KANK1: variants seen among roughly 807,000 people sequenced by gnomAD.
The protein encoded by KANK1 is KN motif and ankyrin repeat domains 1, also known as KN motif and ankyrin repeat domain-containing protein 1.
Under a neutral mutation model 106.2 loss-of-function variants are expected in KANK1, and 109 were observed. The ratio of observed to expected loss-of-function variants is 1.03; its 90% confidence interval spans 0.88 to 1.20. KANK1 has a LOEUF of 1.20. Ranked by LOEUF, KANK1 falls within the 50% of genes most tolerant of loss-of-function variation. The pLI, the probability that KANK1 is intolerant of heterozygous loss-of-function variation, is 0.00. For missense variants in KANK1, 2,399 were observed against 1,710.7 expected (o/e 1.40, Z -7.10); for synonymous variants, 873 against 652.2 (o/e 1.34, Z -5.16).
At position 713,196 on chromosome 9, in the gene KANK1, C is replaced by A; in HGVS notation, c.2430C>A (p.Asn810Lys). ...ACCCTGTAGGGGAATCTCTGGAGAA[C>A]CCCCAGCCTCAAGCTCCACTTGGAA... ...GDDPVGESLE[N>K]PQPQAPLGMM... The change falls in exon 3 of 12, where the codon AAC becomes AAA. Residue 810 changes from asparagine to lysine, a missense_variant. Transcript: ENST00000382297. 1.9e-6 allele frequency: 3 copies of A among 1,585,738 alleles called. No individual in the cohort carries two copies. The highest frequency in any genetic ancestry group is 1.7e-6 in the Non-Finnish European group (2 of 1,166,092).
At chr9:590,997 G>C (rs1400578561) in intron 1 of KANK1, among the ~76,000 whole-genome samples, 5 of 151,644 alleles carry the variant, frequency 3.3e-5, no homozygotes, top group Non-Finnish European at 5.9e-5. Context: ...TTGGATAGTG[G>C]AGTTTAAAAC....
chr9:554,191 C>T (rs1468693645), intron 1 of KANK1, among the ~76,000 whole-genome samples: 1 of 152,192 alleles, frequency 6.6e-6, no homozygotes, highest in Admixed American at 6.5e-5. Context: ...AACTAGAGAA[C>T]AAGAAGGCCA....
intron 8 of KANK1, among the ~76,000 whole-genome samples, chr9:739,050 C>T (rs1217817643): frequency 6.6e-6 from 1 of 152,146 alleles, no homozygotes; most frequent in East Asian, 1.9e-4. Context: ...CAGCATAGAG[C>T]AAAGGGCATG....
intron 1 of KANK1, among the ~76,000 whole-genome samples, chr9:564,418 C>G (rs1454498360): frequency 6.6e-6 from 1 of 152,124 alleles, no homozygotes; most frequent in African/African-American, 2.4e-5. Flanking sequence ...ACCAGACACC[C>G]TTATACATAC....
At chr9:561,772 T>G (rs1279276507) in intron 1 of KANK1, among the ~76,000 whole-genome samples, 1 of 152,238 alleles carries the variant, frequency 6.6e-6, no homozygotes, top group Admixed American at 6.5e-5. Context: ...GATGACTGTT[T>G]CATCTAGAAC....
rs141373242 is a variant in KANK1 at position 739,856 on chromosome 9, C to T, written c.3554-936C>T. 4.1e-3 allele frequency among the ~76,000 whole-genome samples: 623 copies of T among 150,454 alleles called. 4 individuals are homozygous for T. The highest frequency in any genetic ancestry group is 0.015 in the African/African-American group (583 of 40,180). ...TTCAGCATCTATGCAGAGCAGAGTC[C>T]GCAAAGTCCGAGGTGCTAAGGAGCC... On this transcript the variant is annotated intron_variant, in intron 8 of 11. Coordinates refer to ENST00000382297, the MANE Select transcript of KANK1 (RefSeq NM_015158.5).
At chr9:529,573 C>G (rs1049226096) in intron 1 of KANK1, among the ~76,000 whole-genome samples, 1 of 152,124 alleles carries the variant, frequency 6.6e-6, no homozygotes, top group South Asian at 2.1e-4. Flanking sequence ...TAATAGACTT[C>G]ATATATTGTT....
rs757723877 is a variant in KANK1, at chr9:712,508, G to A, written c.1742G>A (p.Cys581Tyr). ...GAGAGGGTGGAAATGCATGACCGATGTGCTGGGAGGTCTGTGGAAATGTGT... is the reference window on the plus strand; with the variant it reads ...GAGAGGGTGGAAATGCATGACCGATATGCTGGGAGGTCTGTGGAAATGTGT... ...VKERVEMHDR[C>Y]AGRSVEMCDK... Residue 581 changes from cysteine to tyrosine, a missense_variant, in exon 3 of 12, where the codon TGT (cysteine) becomes TAT (tyrosine). Coordinates refer to ENST00000382297, the MANE Select transcript of KANK1 (RefSeq NM_015158.5). The A allele has an allele frequency of 2.5e-6, 4 of 1,614,100 alleles. No individual in the cohort carries two copies. Among genetic ancestry groups the A allele is most frequent in the African/African-American group, 1.3e-5 (1 of 74,920 alleles).
At chr9:573,321 G>A (rs1587931041) in intron 1 of KANK1, among the ~76,000 whole-genome samples, 2 of 152,116 alleles carry the variant, frequency 1.3e-5, no homozygotes, top group Non-Finnish European at 2.9e-5. Flanking sequence ...CCAGGCTGGA[G>A]TGCAGTGGCG....
intron 1 of KANK1, among the ~76,000 whole-genome samples, chr9:576,130 T>C (rs73639373): frequency 0.067 from 10,247 of 152,294 alleles, 905 homozygotes; most frequent in East Asian, 0.22. Flanking sequence ...TTTTAGGCCC[T>C]ATCAGACCTA....
rs146735290 is a variant in KANK1, at chr9:666,392, C to T, written c.-83-10498C>T. Among the ~76,000 whole-genome samples the T allele has an allele frequency of 1.2e-3, 190 of 152,046 alleles. 2 individuals carry two copies. The highest frequency in any genetic ancestry group is 4.3e-3 in the African/African-American group (177 of 41,492). On this transcript the variant is annotated intron_variant, in intron 1 of 11. Transcript: ENST00000382297. ...TAAAAATAGAAGATCCTGTCGTTTA[C>T]ATTCAAAGCGAATTTGACTTCTTTC... is the stretch of plus-strand genomic sequence containing the variant.
chr9:638,461 A>G (rs1437509669), intron 1 of KANK1, among the ~76,000 whole-genome samples: 2 of 152,134 alleles, frequency 1.3e-5, no homozygotes, highest in Non-Finnish European at 2.9e-5. Context: ...TATGTCAGAG[A>G]GATTGTTTGT....
At chr9:714,526 C>A (rs1827156811) in intron 3 of KANK1, among the ~76,000 whole-genome samples, 1 of 151,846 alleles carries the variant, frequency 6.6e-6, no homozygotes, top group African/African-American at 2.4e-5. Context: ...TGCCCAGCCA[C>A]TTTTGTATTT....
At chr9:702,033 G>C (rs1314141994) in intron 2 of KANK1, among the ~76,000 whole-genome samples, 1 of 152,170 alleles carries the variant, frequency 6.6e-6, no homozygotes, top group Non-Finnish European at 1.5e-5. Flanking sequence ...TAAATAAGGA[G>C]CAGACTTGCC....
At position 706,972 on chromosome 9, in the gene KANK1, CA is replaced by C. The variant is rs1564023542; in HGVS notation, c.38-3831del. On this transcript the variant is annotated intron_variant, in intron 2 of 11. Transcript: ENST00000382297. Reference sequence around the variant, plus strand: ...TGGCAAAGCGGGAGTGAAGAACACACATTTTCAGAAGATACCGGTTTCCTGT... The same window carrying C: ...TGGCAAAGCGGGAGTGAAGAACACACTTTTCAGAAGATACCGGTTTCCTGT... 9 of 985,510 alleles carry C rather than the reference CA, an allele frequency of 9.1e-6. No individual in the cohort carries two copies. In the South Asian group the frequency reaches 3.8e-4, roughly 41 times the overall value. The allele number at this position is 985,510 out of a possible 1,614,324, so 61.0% of individuals were successfully genotyped here.
Position 742,307 on chromosome 9 carries a change from G to C in KANK1, c.3799G>C (p.Gly1267Arg). 6.2e-7 allele frequency: 1 copy of C among 1,614,168 alleles called. No individual in the cohort carries two copies. Among genetic ancestry groups the C allele is most frequent in the Non-Finnish European group, 8.5e-7 (1 of 1,180,002 alleles). ...TGATGTCAACATCCAGGATGACGAG[G>C]GCTCCACGGCCCTCATGTGTGCCAG... ...GADVNIQDDEGSTALMCASEH... is the reference protein window; with the variant it reads ...GADVNIQDDERSTALMCASEH... The change falls in exon 10 of 12, where the codon GGC becomes CGC. Residue 1267 changes from glycine (G) to arginine (R), a missense_variant. Transcript: ENST00000382297.
At chr9:541,478 T>C (rs558383441) in intron 1 of KANK1, among the ~76,000 whole-genome samples, 175 of 152,170 alleles carry the variant, frequency 1.2e-3, no homozygotes, top group African/African-American at 3.9e-3. Context: ...GACTGCAAAA[T>C]GGACTAAAGA....
chr9:542,613 G>C (rs143415943), intron 1 of KANK1, among the ~76,000 whole-genome samples: 2 of 152,088 alleles, frequency 1.3e-5, no homozygotes, highest in Admixed American at 6.5e-5. Flanking sequence ...TGTGTCCCTC[G>C]CAGCATGATT....
intron 3 of KANK1, chr9:487,951 C>G (rs1396834220): frequency 6.6e-6 from 1 of 152,020 alleles, no homozygotes; most frequent in Non-Finnish European, 1.5e-5. Flanking sequence ...GCTTCACTCC[C>G]TAGGAAAGCC....
Sources: gnomAD v4.1 joint callset for allele counts (sites outside exome capture counted in the v4.1 genomes callset) on GRCh38, gnomAD v4.1.1 for gene constraint, MANE v1.5 for transcripts, NCBI Gene and HGNC (gene_info 2026-07-23, HGNC 2026-07-21) for gene names.